FECH: variants seen among roughly 807,000 people sequenced by gnomAD.
FECH encodes the protein ferrochelatase, mitochondrial.
FECH carries 40 observed loss-of-function variants against 56.9 expected under a neutral mutation model. The ratio of observed to expected loss-of-function variants is 0.70; its 90% CI spans 0.55 to 0.92. FECH has a LOEUF of 0.92. Among genes scored for constraint, FECH ranks in the 40% least tolerant of loss-of-function variants. The probability of loss-of-function intolerance (pLI) is 0.00; values close to 1 mark genes in which losing one functional copy is unlikely to be tolerated. For missense variants in FECH, 431 were observed against 529.1 expected, an observed-to-expected ratio of 0.81 and a Z score of 1.82; for synonymous variants, 175 against 198.6, an observed-to-expected ratio of 0.88 and a Z score of 1.00.
In FECH at chr18:57,557,300, A is replaced by C. The variant is rs570543191; in HGVS notation, c.804+1845T>G. Among the ~76,000 whole-genome samples the C allele has an allele frequency of 2.0e-5, 3 of 152,344 alleles. No individual in the cohort carries two copies. In the South Asian group the frequency reaches 6.2e-4, roughly 32 times the overall value. The stretch of plus-strand genomic sequence containing the variant: ...TTGTCAGAAGGGAACGCAGGGGAAG[A>C]GAAGAGTGTGCTAGATCAGTGTTCT... On this transcript the variant is annotated intron_variant, in intron 7 of 10. Coordinates refer to ENST00000262093, the MANE Select transcript of FECH (RefSeq NM_000140.5).
At chr18:57,575,623 T>C (rs1474353878) in intron 2 of FECH, among the ~76,000 whole-genome samples, 1 of 152,116 alleles carries the variant, frequency 6.6e-6, no homozygotes, top group African/African-American at 2.4e-5. Context: ...TAAAATTTTT[T>C]ATATAGACAG....
In FECH at chr18:57,550,792, G is replaced by T; in HGVS notation, c.1192C>A (p.Gln398Lys). Residue 398 changes from glutamine to lysine, a missense_variant, in exon 11 of 11, where the codon CAG becomes AAG. Physicochemically the swap from Gln to Lys is moderately conservative, Grantham distance 53. Transcript: ENST00000262093. Reference sequence around the variant, plus strand: ...CAGAGCGGACAGCTCAGGGTCAGCTGCTTGGAACACAGCTCGTTTGACTGG... The same window carrying T: ...CAGAGCGGACAGCTCAGGGTCAGCTTCTTGGAACACAGCTCGTTTGACTGG... Reference protein sequence around the residue: ...HIQSNELCSKQLTLSCPLCVN... With the variant: ...HIQSNELCSKKLTLSCPLCVN... The T allele has an allele frequency of 6.2e-7, 1 of 1,614,148 alleles. No homozygotes were observed. The highest frequency in any genetic ancestry group is 8.5e-7 in the Non-Finnish European group (1 of 1,180,022).
intron 7 of FECH, among the ~76,000 whole-genome samples, chr18:57,558,067 A>G (rs1034367996): frequency 1.4e-4 from 21 of 152,224 alleles, no homozygotes; most frequent in African/African-American, 3.9e-4. Context: ...CCTAGTAGCC[A>G]CCAGGGGGCG....
intron 9 of FECH, among the ~76,000 whole-genome samples, chr18:57,553,095 T>TAA (rs991625606): frequency 6.6e-6 from 1 of 152,128 alleles, no homozygotes; most frequent in African/African-American, 2.4e-5. Flanking sequence ...AAATTTAAAA[T>TAA]AAAAAAATTG....
At chr18:57,558,549 A>G (rs548076672) in intron 7 of FECH, among the ~76,000 whole-genome samples, 1 of 152,374 alleles carries the variant, frequency 6.6e-6, no homozygotes, top group South Asian at 2.1e-4. Context: ...CTCTGCTGAC[A>G]GGGCAGGCAA....
chr18:57,554,552 T>C (rs2050844176), intron 8 of FECH, 128 bp from the exon 9 acceptor site: 3 of 983,548 alleles, frequency 3.1e-6, no homozygotes, highest in Non-Finnish European at 4.8e-6. Context: ...CCTGCTTGAA[T>C]GGATTTTGAT....
intron 7 of FECH, among the ~76,000 whole-genome samples, chr18:57,555,965 C>A (rs2050862179): frequency 6.6e-6 from 1 of 152,132 alleles, no homozygotes; most frequent in African/African-American, 2.4e-5. Flanking sequence ...CCTGTCTGTA[C>A]TAAAAATACA....
rs1317597628 is a variant in FECH, at chr18:57,550,795, T to G, written c.1189A>C (p.Lys397Gln). ...AGCGGACAGCTCAGGGTCAGCTGCT[T>G]GGAACACAGCTCGTTTGACTGGATG... Reference protein sequence around the residue: ...SHIQSNELCSKQLTLSCPLCV... With the variant: ...SHIQSNELCSQQLTLSCPLCV... Residue 397 changes from lysine (K) to glutamine (Q), a missense_variant, in exon 11 of 11, where the codon AAG (lysine) becomes CAG (glutamine). Transcript: ENST00000262093. 16 of 1,614,024 alleles carry G rather than the reference T, an allele frequency of 9.9e-6. No individual in the cohort carries two copies. Among genetic ancestry groups the G allele is most frequent in the Non-Finnish European group, 1.4e-5 (16 of 1,180,026 alleles).
intron 9 of FECH, among the ~76,000 whole-genome samples, chr18:57,551,639 C>T (rs926767015): frequency 2.6e-5 from 4 of 152,036 alleles, no homozygotes; most frequent in African/African-American, 4.8e-5. Context: ...TTTGCAAATC[C>T]TTTTTGTGGT....
Position 57,553,569 on chromosome 18 carries a change from T to C in FECH, c.1077+691A>G, listed in dbSNP as rs561995543. On this transcript the variant is annotated intron_variant, in intron 9 of 10. Coordinates refer to ENST00000262093, the MANE Select transcript of FECH (RefSeq NM_000140.5). ...ATAAAAATAAAGCTATATATTGGAA[T>C]AGGTTTTAGGCTGGCTCTCAAAAGC... 1.8e-4 allele frequency among the ~76,000 whole-genome samples: 28 copies of C among 152,310 alleles called. No homozygotes were observed. The South Asian group carries it at 4.8e-3, about 26-fold the overall frequency.
chr18:57,586,504 G>A, intron 1 of FECH, 50 bp downstream of exon 1: 1 of 1,509,544 alleles, frequency 6.6e-7, no homozygotes, highest in Non-Finnish European at 8.8e-7. Context: ...CTCTGCCCAC[G>A]CCTTCTCAGG....
At position 57,586,663 on chromosome 18, in the gene FECH, G is replaced by A. The variant is rs1227075948; in HGVS notation, c.-43C>T. ...CCCGAGTCCGGGCTCCTCCCGCGGC[G>A]GCGCGCCCAGGTGTCCGCCCAGCAG... is the stretch of plus-strand genomic sequence containing the variant. On this transcript the variant is annotated 5_prime_UTR_variant, in exon 1 of 11. Transcript: ENST00000262093. 3.4e-6 allele frequency: 5 copies of A among 1,479,584 alleles called. No homozygotes were observed. Among genetic ancestry groups the A allele is most frequent in the Middle Eastern group, 4.0e-4 (2 of 5,004 alleles). The allele number at this position is 1,479,584 out of a possible 1,614,324, so 91.7% of individuals were successfully genotyped here. A position where few individuals can be genotyped will look rare whatever the true frequency, so the allele number is the denominator to read the frequency against.
Position 57,568,463 on chromosome 18 carries a change from A to G in FECH, c.464-1882T>C, listed in dbSNP as rs140042705. Reference sequence around the variant, plus strand: ...AGAAAAAGCAGCAAGGTACTCTCCAACTGGGCATATCCTGAGGAACCAACA... The same window carrying G: ...AGAAAAAGCAGCAAGGTACTCTCCAGCTGGGCATATCCTGAGGAACCAACA... On this transcript the variant is annotated intron_variant, in intron 4 of 10. Coordinates refer to ENST00000262093, the MANE Select transcript of FECH (RefSeq NM_000140.5). Among the ~76,000 whole-genome samples, 48 of 152,362 alleles carry G rather than the reference A, an allele frequency of 3.2e-4. 1 individual carries two copies. The East Asian group carries it at 8.9e-3, about 28-fold the overall frequency.
intron 1 of FECH, among the ~76,000 whole-genome samples, chr18:57,582,684 C>T (rs1038333571): frequency 2.3e-4 from 35 of 149,792 alleles, no homozygotes; most frequent in African/African-American, 7.4e-4. Flanking sequence ...GAGGCCGAGG[C>T]GGGTGGATCA....
rs2050772641 is a variant in FECH, at chr18:57,549,790, A to G, written c.*922T>C. 6.6e-6 allele frequency: 1 copy of G among 152,252 alleles called. No homozygotes were observed. Among genetic ancestry groups the G allele is most frequent in the South Asian group, 2.1e-4 (1 of 4,830 alleles). 9.4% of individuals were successfully genotyped at this position (152,252 alleles called of 1,614,324 possible). A position where few individuals can be genotyped will look rare whatever the true frequency, so the allele number is the denominator to read the frequency against. On this transcript the variant is annotated 3_prime_UTR_variant, in exon 11 of 11. Coordinates refer to ENST00000262093, the MANE Select transcript of FECH (RefSeq NM_000140.5). ...AATAAAAAATCGTAAATTAAGAAAG[A>G]ATTCAAGCAAAGTATTGTTGACTTT...
At chr18:57,583,055 A>G (rs1249763862) in intron 1 of FECH, among the ~76,000 whole-genome samples, 1 of 152,150 alleles carries the variant, frequency 6.6e-6, no homozygotes, top group Non-Finnish European at 1.5e-5. Flanking sequence ...TATTTTCTCC[A>G]TGGTTCACCA....
intron 6 of FECH, among the ~76,000 whole-genome samples, chr18:57,562,289 C>G (rs1367718725): frequency 1.3e-5 from 2 of 152,100 alleles, no homozygotes; most frequent in Non-Finnish European, 2.9e-5. Flanking sequence ...AACATCAGTT[C>G]AAAGCTATTA....
Position 57,554,970 on chromosome 18 carries a change from T to C in FECH, c.805-18A>G. On this transcript the variant is annotated intron_variant, in intron 7 of 10. Transcript: ENST00000262093. Reference sequence around the variant, plus strand: ...TTGACCACCTGCAGCAGAGACACAATGGGTGTTCAGCCATTAACACTGGGA... The same window carrying C: ...TTGACCACCTGCAGCAGAGACACAACGGGTGTTCAGCCATTAACACTGGGA... 6.2e-7 allele frequency: 1 copy of C among 1,602,106 alleles called. No individual in the cohort carries two copies. The highest frequency in any genetic ancestry group is 1.3e-5 in the African/African-American group (1 of 74,736).
intron 1 of FECH, among the ~76,000 whole-genome samples, chr18:57,582,059 T>C (rs77964644): frequency 1.3e-4 from 2 of 14,900 alleles, no homozygotes; most frequent in African/African-American, 2.2e-4. Flanking sequence ...TCTCCTTTTT[T>C]ACTAAGTTTA....
Sources: gnomAD v4.1 joint callset for allele counts (sites outside exome capture counted in the v4.1 genomes callset) on GRCh38, gnomAD v4.1.1 for gene constraint, MANE v1.5 for transcripts, NCBI Gene and HGNC (gene_info 2026-07-23, HGNC 2026-07-21) for gene names.